Variants in MARF1 observed in about 807,000 individuals in gnomAD.
MARF1 encodes meiosis regulator and mRNA stability factor 1.
A neutral mutation model predicts 168.2 loss-of-function variants in MARF1; 24 were observed. The ratio of observed to expected loss-of-function variants is 0.14; its 90% confidence interval spans 0.10 to 0.20. The LOEUF is 0.20. Ranked by LOEUF, MARF1 falls within the 10% of genes least tolerant of loss-of-function variation. The pLI is 1.00. For missense variants in MARF1, 1,744 were observed against 2,143.6 expected (o/e 0.81, Z 3.68); for synonymous variants, 868 against 822.4 (o/e 1.06, Z -0.95).
chr16:15,636,009 G>T lies in MARF1; in HGVS notation c.478C>A (p.Leu160Ile). The T allele has an allele frequency of 6.2e-7, 1 of 1,614,210 alleles. No individual in the cohort carries two copies. The highest frequency in any genetic ancestry group is 1.7e-5 in the Admixed American group (1 of 60,032). The change falls in exon 3 of 27, where the codon CTC (leucine) becomes ATC (isoleucine). Residue 160 changes from leucine to isoleucine, a missense_variant. Coordinates refer to ENST00000396368, the MANE Select transcript of MARF1 (RefSeq NM_014647.4). ...TTGTTCCTAGCTGAGGCATTCTGGA[G>T]TGAAGATGCAGACTGGAAAGCAAAC... Reference protein sequence around the residue: ...SGFAFQSASSLQNASARNNLA... With the variant: ...SGFAFQSASSIQNASARNNLA...
chr16:15,627,123 G>A (rs1293326160), intron 7 of MARF1, among the ~76,000 whole-genome samples: 13 of 151,524 alleles, frequency 8.6e-5, no homozygotes, highest in Admixed American at 4.6e-4. Flanking sequence ...AGGCCGAGGC[G>A]GGGGGATCAC....
At position 15,598,932 on chromosome 16, in the gene MARF1, G is replaced by A; in HGVS notation, c.4906C>T (p.Pro1636Ser). ...ATAACGGGGTCTGGTCTCAGCTGAG[G>A]GGACGGCAGGCACGAGGGGACAGGC... ...CAPVPSCLPS[P>S]QLRPDPVILQ... The change falls in exon 26 of 27, where the codon CCT (proline) becomes TCT (serine). Residue 1636 changes from proline (P) to serine (S), a missense_variant. Coordinates refer to ENST00000396368, the MANE Select transcript of MARF1 (RefSeq NM_014647.4). The A allele has an allele frequency of 1.2e-6, 2 of 1,613,842 alleles. No homozygotes were observed. Among genetic ancestry groups the A allele is most frequent in the Non-Finnish European group, 1.7e-6 (2 of 1,179,958 alleles).
chr16:15,631,552 C>A (rs1596495816), intron 5 of MARF1, 54 bp from the exon 6 acceptor site: 3 of 1,224,838 alleles, frequency 2.4e-6, no homozygotes, highest in Middle Eastern at 2.0e-4. Context: ...TAGAAAATTG[C>A]TACACATTCT....
At chr16:15,598,767 AC>A in intron 26 of MARF1, 86 bp downstream of exon 26, 1 of 1,330,520 alleles carries the variant, frequency 7.5e-7, no homozygotes, top group South Asian at 1.2e-5. Context: ...GTCCCTTCCC[AC>A]CTCCGTCATT....
Position 15,623,036 on chromosome 16 carries a change from T to G in MARF1, c.2358A>C (p.Pro786=). The G allele has an allele frequency of 6.2e-7, 1 of 1,611,660 alleles. No individual in the cohort carries two copies. Among genetic ancestry groups the G allele is most frequent in the Non-Finnish European group, 8.5e-7 (1 of 1,177,918 alleles). The stretch of plus-strand genomic sequence containing the variant: ...CTTGGACATCAGCACCATTTGCAAA[T>G]GGGTCTGGGCAGTCGGCTTCGCTGC... ...NSSSEADCPD[P]FANGADVQVS... The change falls in exon 11 of 27, where the codon CCA becomes CCC. Residue 786 remains proline (P), a synonymous_variant. Transcript: ENST00000396368.
At chr16:15,601,929 C>T in intron 23 of MARF1, 62 bp downstream of exon 23, 2 of 1,358,104 alleles carry the variant, frequency 1.5e-6, no homozygotes, top group Non-Finnish European at 2.1e-6. Context: ...TTTTTCTGTT[C>T]AGGACAGTTA....
At chr16:15,639,009 G>C in intron 2 of MARF1, 81 bp downstream of exon 2, 1 of 1,395,578 alleles carries the variant, frequency 7.2e-7, no homozygotes, top group Non-Finnish European at 9.7e-7. Context: ...TAGGATGAGA[G>C]ACTGTATCCC....
In MARF1 at chr16:15,608,429, C is replaced by T; in HGVS notation, c.4044G>A (p.Arg1348=). ...TCATAAGGCAGTTATCTTTTTGGGA[C>T]CGAAGGAGTTTAACAAACTGGGCAG... ...ALAAQFVKLL[R]SQKDNCLMMT... is the part of the protein sequence containing the mutation. Residue 1348 remains arginine, a synonymous_variant, in exon 21 of 27, where the codon CGG becomes CGA. Transcript: ENST00000396368. 6.2e-7 allele frequency: 1 copy of T among 1,614,028 alleles called. No homozygotes were observed. The highest frequency in any genetic ancestry group is 2.2e-5 in the East Asian group (1 of 44,874).
At chr16:15,625,917 CAGTGATTTAGATGGGAGAGGGTAA>C in intron 7 of MARF1, 117 bp from the exon 8 acceptor site, 2 of 747,620 alleles carry the variant, frequency 2.7e-6, no homozygotes, top group Non-Finnish European at 4.4e-6. Context: ...GAGAAGATGA[CAGTGATTTAGATGGGAGAGGGTAA>C]ATTATTTAGT....
chr16:15,616,530 A>G (rs998219314), intron 15 of MARF1, among the ~76,000 whole-genome samples: 1 of 152,224 alleles, frequency 6.6e-6, no homozygotes, highest in African/African-American at 2.4e-5. Flanking sequence ...AATGTAGCGC[A>G]AACACACATT....
At chr16:15,602,417 A>T (rs1596437310) in intron 22 of MARF1, 2 of 613,348 alleles carry the variant, frequency 3.3e-6, no homozygotes, top group Admixed American at 3.2e-5. Context: ...ACAACAAAGA[A>T]GATGAAGACA....
rs1304984881 is a variant in MARF1, at chr16:15,610,888, G to A, written c.3751+87C>T. ...TGGAATCTTCAGGAAGCACGGACAG[G>A]GAGGGAAAACCACATCTTCCATGCC... On this transcript the variant is annotated intron_variant, in intron 19 of 26. Transcript: ENST00000396368. 3.8e-6 allele frequency: 5 copies of A among 1,313,322 alleles called. No individual in the cohort carries two copies. The African/African-American group carries it at 5.9e-5, about 15-fold the overall frequency. The allele number at this position is 1,313,322 out of a possible 1,614,324, so 81.4% of individuals were successfully genotyped here.
At chr16:15,626,566 T>C (rs2034858997) in intron 7 of MARF1, among the ~76,000 whole-genome samples, 1 of 152,214 alleles carries the variant, frequency 6.6e-6, no homozygotes, top group Middle Eastern at 3.2e-3. Context: ...ATTTAGAGCC[T>C]GTTCAGCTTC....
intron 21 of MARF1, among the ~76,000 whole-genome samples, chr16:15,606,554 A>C (rs936481057): frequency 4.6e-5 from 7 of 151,740 alleles, no homozygotes; most frequent in Non-Finnish European, 1.0e-4. Context: ...CTCTCTCTCT[A>C]AGCAGAGATC....
chr16:15,609,822 C>T (rs1401598592), intron 19 of MARF1, 97 bp from the exon 20 acceptor site: 5 of 980,670 alleles, frequency 5.1e-6, no homozygotes, highest in African/African-American at 1.6e-5. Context: ...AATTTATAAA[C>T]GATATCATCC....
intron 7 of MARF1, among the ~76,000 whole-genome samples, chr16:15,628,714 C>T (rs975753665): frequency 1.3e-5 from 2 of 152,108 alleles, no homozygotes; most frequent in Admixed American, 1.3e-4. Context: ...CATCACTCGG[C>T]CCACACCATA....
chr16:15,611,845 G>C (rs1440078787), intron 17 of MARF1, 111 bp from the exon 18 acceptor site: 4 of 823,598 alleles, frequency 4.9e-6, no homozygotes, highest in East Asian at 5.1e-5. Context: ...CCTTTATGTA[G>C]AATGTGTGCA....
At chr16:15,611,462 AAAAC>A in intron 18 of MARF1, 126 bp downstream of exon 18, 98 of 858,264 alleles carry the variant, frequency 1.1e-4, no homozygotes, top group Middle Eastern at 7.4e-4. Context: ...AAAAAAAAAA[AAAAC>A]AAAAAACTAC....
At chr16:15,633,175 C>CACACACACACACA (rs1555529762) in intron 5 of MARF1, among the ~76,000 whole-genome samples, 2 of 136,928 alleles carry the variant, frequency 1.5e-5, no homozygotes, top group East Asian at 4.2e-4. Flanking sequence ...AAAAAAAACA[C>CACACACACACACA]CACACACACA....
Sources: allele counts gnomAD v4.1 joint callset (sites outside exome capture counted in the v4.1 genomes callset), GRCh38; gene constraint gnomAD v4.1.1; transcripts MANE v1.5; gene names NCBI Gene and HGNC (gene_info 2026-07-23, HGNC 2026-07-21).